Variants in FOXK2 observed in about 807,000 individuals in gnomAD.
The protein encoded by FOXK2 is forkhead box protein K2.
Under a neutral mutation model 53.3 loss-of-function variants are expected in FOXK2, and 24 were observed. That is an observed-to-expected ratio of 0.45 (90% CI 0.33 to 0.63). The LOEUF (loss-of-function observed/expected upper bound fraction) is 0.63, where lower values mean the gene tolerates loss of function less well. FOXK2 is among the 30% of genes least tolerant of loss of function. The probability of loss-of-function intolerance (pLI) is 0.03; values close to 1 mark genes in which losing one functional copy is unlikely to be tolerated. For missense variants in FOXK2, 952 were observed against 910.5 expected (o/e 1.05, Z -0.59); for synonymous variants, 505 against 407.1 (o/e 1.24, Z -2.89).
intron 4 of FOXK2, among the ~76,000 whole-genome samples, chr17:82,579,151 GC>G (rs2045027011): frequency 6.6e-6 from 1 of 152,168 alleles, no homozygotes; most frequent in South Asian, 2.1e-4. Flanking sequence ...CATTTGCACT[GC>G]TTGAGGGTTT....
chr17:82,520,956 T>G (rs890397806), intron 1 of FOXK2, among the ~76,000 whole-genome samples: 2 of 152,168 alleles, frequency 1.3e-5, no homozygotes, highest in African/African-American at 4.8e-5. Context: ...GACAGTTGAT[T>G]AGGAATTATT....
intron 8 of FOXK2, among the ~76,000 whole-genome samples, chr17:82,596,961 G>A (rs1055396302): frequency 1.3e-5 from 2 of 152,222 alleles, no homozygotes; most frequent in Admixed American, 1.3e-4. Flanking sequence ...AGAGCCCCTT[G>A]TGCTCAGAGC....
At chr17:82,593,518 C>A (rs1475903826) in intron 8 of FOXK2, 1 of 152,370 alleles carries the variant, frequency 6.6e-6, no homozygotes, top group African/African-American at 2.4e-5. Context: ...CGGCTATAGC[C>A]CCACGCCTGC....
At chr17:82,587,486 TGA>T (rs1374791430) in intron 8 of FOXK2, 11 of 585,298 alleles carry the variant, frequency 1.9e-5, no homozygotes, top group Middle Eastern at 4.6e-4. Flanking sequence ...TGAAAAGAGA[TGA>T]GAGTTTCTAA....
chr17:82,547,039 T>C (rs1392185478), intron 1 of FOXK2, among the ~76,000 whole-genome samples: 1 of 145,564 alleles, frequency 6.9e-6, no homozygotes, highest in African/African-American at 2.6e-5. Flanking sequence ...ATGGCACCAC[T>C]GCACTCCAAC....
intron 1 of FOXK2, among the ~76,000 whole-genome samples, chr17:82,562,051 G>C (rs2044801472): frequency 6.6e-6 from 1 of 152,248 alleles, no homozygotes; most frequent in South Asian, 2.1e-4. Flanking sequence ...GTTGAACTGG[G>C]TTCGTGGTGG....
At position 82,548,288 on chromosome 17, in the gene FOXK2, A is replaced by G. The variant is rs149387569; in HGVS notation, c.420-15066A>G. 2.8e-3 allele frequency among the ~76,000 whole-genome samples: 420 copies of G among 152,234 alleles called. 2 individuals are homozygous for G. The highest frequency in any genetic ancestry group is 9.5e-3 in the African/African-American group (395 of 41,528). On this transcript the variant is annotated intron_variant, in intron 1 of 8. Transcript: ENST00000335255. ...CTAGTTGCTCCATATCCTTGTCAGCACTTGGTTTTGTCAGTCTTCTTATAT... is the reference window on the plus strand; with the variant it reads ...CTAGTTGCTCCATATCCTTGTCAGCGCTTGGTTTTGTCAGTCTTCTTATAT...
chr17:82,550,120 G>T (rs1567970730), intron 1 of FOXK2, among the ~76,000 whole-genome samples: 1 of 152,148 alleles, frequency 6.6e-6, no homozygotes, highest in African/African-American at 2.4e-5. Flanking sequence ...GATTGCTTCA[G>T]CCTGGGCTTG....
chr17:82,533,734 C>G (rs571671260), intron 1 of FOXK2, among the ~76,000 whole-genome samples: 1 of 152,040 alleles, frequency 6.6e-6, no homozygotes, highest in South Asian at 2.1e-4. Context: ...ATATGCGGCC[C>G]ATCATTGACT....
At chr17:82,582,667 A>C in intron 4 of FOXK2, 74 bp from the exon 5 acceptor site, 1 of 1,294,482 alleles carries the variant, frequency 7.7e-7, no homozygotes, top group Non-Finnish European at 1.0e-6. Context: ...TTTTTAGGGC[A>C]CTAAAACGAG....
intron 1 of FOXK2, among the ~76,000 whole-genome samples, chr17:82,556,464 C>T (rs949091626): frequency 6.6e-6 from 1 of 151,080 alleles, no homozygotes. Flanking sequence ...AAGCAAGTTA[C>T]CAGGACATCT....
chr17:82,575,489 A>G (rs1455649555), intron 4 of FOXK2, among the ~76,000 whole-genome samples: 1 of 152,246 alleles, frequency 6.6e-6, no homozygotes, highest in Non-Finnish European at 1.5e-5. Context: ...TAAGTGGATA[A>G]GCATGGAAGT....
At chr17:82,583,240 A>G (rs1229870670) in intron 5 of FOXK2, among the ~76,000 whole-genome samples, 1 of 152,204 alleles carries the variant, frequency 6.6e-6, no homozygotes, top group Non-Finnish European at 1.5e-5. Context: ...GGCACAGGAA[A>G]AGTTCTTTAA....
At chr17:82,538,532 C>T (rs2044542954) in intron 1 of FOXK2, among the ~76,000 whole-genome samples, 1 of 152,346 alleles carries the variant, frequency 6.6e-6, no homozygotes, top group Non-Finnish European at 1.5e-5. Flanking sequence ...AAATTACCGT[C>T]CTCGCATTTG....
At chr17:82,532,244 A>C (rs2044479171) in intron 1 of FOXK2, among the ~76,000 whole-genome samples, 1 of 151,950 alleles carries the variant, frequency 6.6e-6, no homozygotes. Flanking sequence ...TCCTTGGTTC[A>C]AGCAATTCTC....
In FOXK2 at chr17:82,586,091, C is replaced by A. The variant is rs749450374; in HGVS notation, c.1467C>A (p.Ala489=). The A allele has an allele frequency of 3.1e-6, 5 of 1,612,748 alleles. No homozygotes were observed. Among genetic ancestry groups the A allele is most frequent in the East Asian group, 4.5e-5 (2 of 44,886 alleles). Reference sequence around the variant, plus strand: ...CGGTCACCAGTGTGGCCGGACTGGCCCCAGCGAACACGTACACTGTCTCTG... The same window carrying A: ...CGGTCACCAGTGTGGCCGGACTGGCACCAGCGAACACGTACACTGTCTCTG... The part of the protein sequence containing the change: ...AVSVTSVAGL[A]PANTYTVSGQ... The change falls in exon 7 of 9, where the codon GCC becomes GCA. Residue 489 remains alanine (A), a synonymous_variant. Transcript: ENST00000335255.
At chr17:82,582,657 T>C in intron 4 of FOXK2, 84 bp from the exon 5 acceptor site, 2 of 1,204,388 alleles carry the variant, frequency 1.7e-6, no homozygotes, top group Non-Finnish European at 2.3e-6. Flanking sequence ...AGGTTTCTGC[T>C]TTTTAGGGCA....
rs531267686 is a variant in FOXK2, at chr17:82,602,177, A to G, written c.*678A>G. The G allele has an allele frequency of 1.3e-5, 2 of 152,172 alleles. No individual in the cohort carries two copies. The highest frequency in any genetic ancestry group is 1.3e-4 in the Admixed American group (2 of 15,278). 9.4% of individuals were successfully genotyped at this position (152,172 alleles called of 1,614,324 possible). A position where few individuals can be genotyped will look rare whatever the true frequency, so the allele number is the denominator to read the frequency against. ...TGCCTGATGAATTTTATCCACCTCC[A>G]TTTCAGCATGTGGCTCGCGTGGACA... On this transcript the variant is annotated 3_prime_UTR_variant, in exon 9 of 9. Coordinates refer to ENST00000335255, the MANE Select transcript of FOXK2 (RefSeq NM_004514.4).
intron 1 of FOXK2, among the ~76,000 whole-genome samples, chr17:82,554,506 A>T (rs1286199632): frequency 6.6e-6 from 1 of 152,096 alleles, no homozygotes; most frequent in Non-Finnish European, 1.5e-5. Flanking sequence ...ATCCAGTTTA[A>T]GTTGTTGGTT....
Sources: allele counts gnomAD v4.1 joint callset (sites outside exome capture counted in the v4.1 genomes callset), GRCh38; gene constraint gnomAD v4.1.1; transcripts MANE v1.5; gene names NCBI Gene and HGNC (gene_info 2026-07-23, HGNC 2026-07-21).